The following PCCA variants were observed in gnomAD, a reference collection of about 807,000 sequenced individuals.
PCCA encodes the protein propionyl-CoA carboxylase alpha chain, mitochondrial.
In PCCA, 74 loss-of-function variants were observed where a neutral mutation model predicts 101.3. That is an observed-to-expected ratio of 0.73 (90% confidence interval 0.61 to 0.89). PCCA has a LOEUF of 0.89. Ranked by LOEUF, PCCA falls within the 40% of genes least tolerant of loss-of-function variation. The pLI is 0.00. For missense variants in PCCA, 891 were observed against 907.0 expected, an observed-to-expected ratio of 0.98 and a Z score of 0.23; for synonymous variants, 294 against 313.6, an observed-to-expected ratio of 0.94 and a Z score of 0.66.
chr13:100,228,060 G>C (rs1258558754), intron 7 of PCCA, among the ~76,000 whole-genome samples: 1 of 151,824 alleles, frequency 6.6e-6, no homozygotes, highest in Non-Finnish European at 1.5e-5. Flanking sequence ...CTTTCACCCA[G>C]GCTGGAGTGC....
intron 4 of PCCA, among the ~76,000 whole-genome samples, chr13:100,138,143 T>A (rs2152337928): frequency 6.6e-6 from 1 of 152,330 alleles, no homozygotes; most frequent in Admixed American, 6.5e-5. Context: ...ACTGTTTTAT[T>A]ATTTTGTTTT....
At chr13:100,453,857 T>C (rs2081519334) in intron 21 of PCCA, among the ~76,000 whole-genome samples, 1 of 152,062 alleles carries the variant, frequency 6.6e-6, no homozygotes, top group African/African-American at 2.4e-5. Context: ...GTCTTTTTGA[T>C]TTGTTTTGTT....
rs996507863 is a variant in PCCA, at chr13:100,527,492, A to G, written c.2041-183A>G. ...TTCCAACGAGGACTTTATGAGAGAG[A>G]GAATGGCTTTTCTCTACTGTTCCTA... On this transcript the variant is annotated intron_variant, in intron 22 of 23. Transcript: ENST00000376285. The G allele has an allele frequency of 2.6e-5, 17 of 641,760 alleles. No homozygotes were observed. In the African/African-American group the frequency reaches 3.1e-4, roughly 12 times the overall value. The allele number at this position is 641,760 out of a possible 1,614,324, so 39.8% of individuals were successfully genotyped here. A position where few individuals can be genotyped will look rare whatever the true frequency, so the allele number is the denominator to read the frequency against.
At chr13:100,160,181 A>G (rs1173631319) in intron 6 of PCCA, among the ~76,000 whole-genome samples, 1 of 152,104 alleles carries the variant, frequency 6.6e-6, no homozygotes, top group Non-Finnish European at 1.5e-5. Flanking sequence ...ATTGGATTTT[A>G]TACAGTCCCT....
rs529793751 is a variant in PCCA, at chr13:100,282,287, A to C, written c.1065+8941A>C. ...TTGTGAGAGGTGACAGCGTGCTGGC[A>C]GTCCTCAGAGCCCTCGCTCGCTCTC... On this transcript the variant is annotated intron_variant, in intron 12 of 23. Coordinates refer to ENST00000376285, the MANE Select transcript of PCCA (RefSeq NM_000282.4). Among the ~76,000 whole-genome samples, 18 of 152,372 alleles carry C rather than the reference A, an allele frequency of 1.2e-4. No homozygotes were observed. In the South Asian group the frequency reaches 3.7e-3, roughly 32 times the overall value.
intron 21 of PCCA, among the ~76,000 whole-genome samples, chr13:100,451,714 T>TCC (rs1555299744): frequency 2.2e-5 from 1 of 45,876 alleles, no homozygotes; most frequent in Non-Finnish European, 4.4e-5. Flanking sequence ...CTCTCCTCTC[T>TCC]CCTCTCTCTC....
chr13:100,154,044 CT>C (rs10714550), intron 4 of PCCA, among the ~76,000 whole-genome samples: 4,868 of 147,566 alleles, frequency 0.033, 248 homozygotes, highest in African/African-American at 0.11. Context: ...CCACCTTTGA[CT>C]TTTTTTTTTG....
rs2152278998 is a variant in PCCA at position 100,112,004 on chromosome 13, T to C, written c.243T>C (p.Thr81=). 2 of 1,607,712 alleles carry C rather than the reference T, an allele frequency of 1.2e-6. No homozygotes were observed. Among genetic ancestry groups the C allele is most frequent in the Non-Finnish European group, 8.5e-7 (1 of 1,175,608 alleles). ...RGEIACRVIR[T]CKKMGIKTVA... is the part of the protein sequence containing the mutation. The stretch of plus-strand genomic sequence containing the variant: ...ATATTTTAAAATAGGTTATTAGAAC[T>C]TGCAAGAAGATGGGCATTAAGACAG... Residue 81 remains threonine (T), a synonymous_variant, in exon 4 of 24, where the codon ACT becomes ACC. Transcript: ENST00000376285.
chr13:100,140,681 G>A (rs796597373), intron 4 of PCCA, among the ~76,000 whole-genome samples: 5 of 152,220 alleles, frequency 3.3e-5, no homozygotes, highest in African/African-American at 1.2e-4. Flanking sequence ...GCTTTTCCAA[G>A]TCTATAAATA....
chr13:100,187,426 T>A (rs989353653), intron 6 of PCCA, among the ~76,000 whole-genome samples: 1 of 152,160 alleles, frequency 6.6e-6, no homozygotes, highest in East Asian at 1.9e-4. Context: ...CTATTTTTAG[T>A]CTGTTCACTT....
chr13:100,159,263 G>T (rs1229963121), intron 6 of PCCA, among the ~76,000 whole-genome samples: 4 of 151,394 alleles, frequency 2.6e-5, no homozygotes, highest in Non-Finnish European at 5.9e-5. Flanking sequence ...GCTAATTTTT[G>T]TATTTTTAGT....
intron 19 of PCCA, among the ~76,000 whole-genome samples, chr13:100,420,181 T>G (rs760842754): frequency 2.0e-5 from 3 of 152,236 alleles, no homozygotes; most frequent in African/African-American, 4.8e-5. Context: ...TAGCTTTTAT[T>G]GTCAATTAAA....
intron 12 of PCCA, among the ~76,000 whole-genome samples, chr13:100,299,107 TAGTA>T (rs2065857680): frequency 6.6e-6 from 1 of 152,218 alleles, no homozygotes; most frequent in Non-Finnish European, 1.5e-5. Context: ...AAATTTCTGT[TAGTA>T]AGGATTTTAC....
intron 12 of PCCA, among the ~76,000 whole-genome samples, chr13:100,286,501 A>T (rs1038590202): frequency 1.4e-4 from 22 of 152,186 alleles, no homozygotes; most frequent in Non-Finnish European, 2.8e-4. Flanking sequence ...GGAGTAGGTA[A>T]CTGAAAAAGG....
chr13:100,437,328 A>G (rs1566300777), intron 20 of PCCA, among the ~76,000 whole-genome samples: 1 of 152,184 alleles, frequency 6.6e-6, no homozygotes, highest in African/African-American at 2.4e-5. Context: ...GGAGCTAGTG[A>G]TATATTACCT....
Position 100,374,873 on chromosome 13 carries a change from C to T in PCCA, c.1746+6299C>T, listed in dbSNP as rs146081208. On this transcript the variant is annotated intron_variant, in intron 19 of 23. Transcript: ENST00000376285. ...TTTCGTGTCTCTGTCTCCTTCAGTT[C>T]GGCTCTGATCTTAGTTATTTCTTGT... Among the ~76,000 whole-genome samples the T allele has an allele frequency of 4.6e-5, 7 of 152,200 alleles. No individual in the cohort carries two copies. The East Asian group carries it at 1.2e-3, about 25-fold the overall frequency.
chr13:100,311,249 T>TAAAAAAA (rs2066892356), intron 16 of PCCA, among the ~76,000 whole-genome samples: 1 of 151,914 alleles, frequency 6.6e-6, no homozygotes, highest in Non-Finnish European at 1.5e-5. Flanking sequence ...AAAAAAAATT[T>TAAAAAAA]TTTTTTAAAT....
intron 8 of PCCA, among the ~76,000 whole-genome samples, chr13:100,250,661 A>G (rs4424775): frequency 0.9 from 136,164 of 152,136 alleles, 61,014 homozygotes; most frequent in East Asian, 0.99. Context: ...CACATTTTGC[A>G]TCTTTACCTA....
chr13:100,262,336 GTGAGC>G (rs1300033623), intron 9 of PCCA, among the ~76,000 whole-genome samples: 1 of 151,970 alleles, frequency 6.6e-6, no homozygotes, highest in Non-Finnish European at 1.5e-5. Context: ...AGAGGTTGCA[GTGAGC>G]TGAGATCCTG....
Sources: allele counts gnomAD v4.1 joint callset (sites outside exome capture counted in the v4.1 genomes callset), GRCh38; gene constraint gnomAD v4.1.1; transcripts MANE v1.5; gene names NCBI Gene and HGNC (gene_info 2026-07-23, HGNC 2026-07-21).